INSR: variants seen among roughly 807,000 people sequenced by gnomAD.
The protein encoded by INSR is IR.
Under a neutral mutation model 142.6 loss-of-function variants are expected in INSR, and 67 were observed. The observed-to-expected ratio is 0.47, with a 90% CI of 0.39 to 0.58. INSR has a LOEUF of 0.58. Among genes scored for constraint, INSR ranks in the 20% least tolerant of loss-of-function variants. The pLI is 0.00. For missense variants in INSR, 1,248 were observed against 1,833.2 expected (o/e 0.68, Z 5.83); for synonymous variants, 756 against 743.1 (o/e 1.02, Z -0.28).
Position 7,166,224 on chromosome 19 carries a change from G to A in INSR, c.1791C>T (p.Val597=). ...TQYAIFVKTL[V]TFSDERRTYG... Reference sequence around the variant, plus strand: ...AGGTCCGGCGTTCATCCGAAAAGGTGACCAGGGTCTTCACAAAGATGGCAT... The same window carrying A: ...AGGTCCGGCGTTCATCCGAAAAGGTAACCAGGGTCTTCACAAAGATGGCAT... The change falls in exon 8 of 22, where the codon GTC becomes GTT. Residue 597 remains valine, a synonymous_variant. Coordinates refer to ENST00000302850, the MANE Select transcript of INSR (RefSeq NM_000208.4). The surrounding 1 kb of genome is among the most constrained non-coding windows in gnomAD (Gnocchi z 4.1). 1 of 1,614,076 alleles carries A rather than the reference G, an allele frequency of 6.2e-7. No homozygotes were observed. Among genetic ancestry groups the A allele is most frequent in the African/African-American group, 1.3e-5 (1 of 75,014 alleles).
At chr19:7,180,370 A>G in intron 3 of INSR, among the ~76,000 whole-genome samples, 1 of 151,840 alleles carries the variant, frequency 6.6e-6, no homozygotes, top group East Asian at 1.9e-4. Context: ...AACACTACAG[A>G]ATTTTTTTTT....
chr19:7,153,702 A>G (rs1398045695), intron 9 of INSR, among the ~76,000 whole-genome samples: 1 of 152,120 alleles, frequency 6.6e-6, no homozygotes, highest in Non-Finnish European at 1.5e-5. Flanking sequence ...TGGGTGACAG[A>G]GTAGAACCCT....
At chr19:7,276,903 G>A (rs1179850517) in intron 1 of INSR, among the ~76,000 whole-genome samples, 1 of 151,950 alleles carries the variant, frequency 6.6e-6, no homozygotes, top group African/African-American at 2.4e-5. Flanking sequence ...GCTAATTTTT[G>A]TATTTTTAGT....
intron 9 of INSR, among the ~76,000 whole-genome samples, chr19:7,161,373 C>T (rs1973745194): frequency 6.6e-6 from 1 of 151,932 alleles, no homozygotes; most frequent in Non-Finnish European, 1.5e-5. Flanking sequence ...GATCCTCCCG[C>T]CTGGGCCTCC....
At chr19:7,200,119 A>G (rs936189542) in intron 2 of INSR, among the ~76,000 whole-genome samples, 4 of 151,618 alleles carry the variant, frequency 2.6e-5, no homozygotes, top group African/African-American at 9.8e-5. Context: ...CAGGGAACCA[A>G]GGGGCTTGGA....
chr19:7,163,121 T>G lies in INSR; in HGVS notation c.1940A>C (p.Asp647Ala). Reference sequence around the variant, plus strand: ...GTAGTGGGTGATGTTGCCATTGGGGTCGGAGGGTGGTTTCCACTTCAGAAT... The same window carrying G: ...GTAGTGGGTGATGTTGCCATTGGGGGCGGAGGGTGGTTTCCACTTCAGAAT... ...QIILKWKPPS[D>A]PNGNITHYLV... The change falls in exon 9 of 22, where the codon GAC becomes GCC. Residue 647 changes from aspartate (D) to alanine (A), a missense_variant. This residue lies in a region of INSR where 1,069 missense variants were observed against 1,654.0 expected (regional missense o/e 0.65). Coordinates refer to ENST00000302850, the MANE Select transcript of INSR (RefSeq NM_000208.4). The G allele has an allele frequency of 6.2e-7, 1 of 1,613,934 alleles. No homozygotes were observed. The highest frequency in any genetic ancestry group is 8.5e-7 in the Non-Finnish European group (1 of 1,179,976).
rs377007438 is a variant in INSR at position 7,177,596 on chromosome 19, C to T, written c.975-2865G>A. Among the ~76,000 whole-genome samples, 67 of 151,720 alleles carry T rather than the reference C, an allele frequency of 4.4e-4. No homozygotes were observed. In the East Asian group the frequency reaches 7.0e-3, roughly 16 times the overall value. On this transcript the variant is annotated intron_variant, in intron 3 of 21. Transcript: ENST00000302850. ...AGGCTGGAGTACAATGGCACGATCT[C>T]GGCTCACTGCAAGCTCCGCCTCCCA...
At chr19:7,221,964 A>G (rs1212505793) in intron 2 of INSR, among the ~76,000 whole-genome samples, 1 of 151,922 alleles carries the variant, frequency 6.6e-6, no homozygotes, top group Non-Finnish European at 1.5e-5. Flanking sequence ...GCCACGATAT[A>G]TTGAGCACCA....
intron 2 of INSR, among the ~76,000 whole-genome samples, chr19:7,264,284 G>T (rs1977156369): frequency 6.6e-6 from 1 of 152,088 alleles, no homozygotes; most frequent in African/African-American, 2.4e-5. Flanking sequence ...AGTGAGCCGA[G>T]ATTGTGCCAC....
At position 7,128,920 on chromosome 19, in the gene INSR, G is replaced by A. The variant is rs750365992; in HGVS notation, c.2877C>T (p.Ile959=). ...AGAGAAAGACAAAGATGAGGGGGCCGATGATAATTTTTGCAATATTTGACG... is the reference window on the plus strand; with the variant it reads ...AGAGAAAGACAAAGATGAGGGGGCCAATGATAATTTTTGCAATATTTGACG... The part of the protein sequence containing the change: ...DVPSNIAKII[I]GPLIFVFLFS... The change falls in exon 15 of 22, where the codon ATC becomes ATT. Residue 959 remains isoleucine (I), a synonymous_variant. Transcript: ENST00000302850. 33 of 1,613,756 alleles carry A rather than the reference G, an allele frequency of 2.0e-5. No homozygotes were observed. The highest frequency in any genetic ancestry group is 4.5e-5 in the East Asian group (2 of 44,882).
intron 15 of INSR, among the ~76,000 whole-genome samples, chr19:7,126,889 G>GT (rs1972660129): frequency 6.7e-6 from 1 of 150,058 alleles, no homozygotes; most frequent in African/African-American, 2.5e-5. Context: ...TTTTTTTTTT[G>GT]TTTTGTTTTT....
chr19:7,271,625 T>G (rs1967928902), intron 1 of INSR, among the ~76,000 whole-genome samples: 1 of 152,160 alleles, frequency 6.6e-6, no homozygotes, highest in African/African-American at 2.4e-5. Context: ...CCATATGACC[T>G]GGCAATTCCA....
At chr19:7,141,945 C>T (rs770289333) in intron 12 of INSR, 129 bp from the exon 13 acceptor site, 12 of 751,396 alleles carry the variant, frequency 1.6e-5, no homozygotes, top group East Asian at 2.7e-5. Context: ...CGTCAGAGAA[C>T]GGACATCTAA....
At chr19:7,252,843 C>T (rs950819125) in intron 2 of INSR, among the ~76,000 whole-genome samples, 25 of 152,188 alleles carry the variant, frequency 1.6e-4, no homozygotes, top group Admixed American at 5.2e-4. Flanking sequence ...CAGCCAGGCG[C>T]GGTGGCTCAC....
intron 2 of INSR, among the ~76,000 whole-genome samples, chr19:7,190,236 C>T (rs1385291229): frequency 6.6e-6 from 1 of 151,952 alleles, no homozygotes; most frequent in Non-Finnish European, 1.5e-5. Context: ...GTTTTATTGT[C>T]CTATGGGACA....
At chr19:7,219,277 T>C (rs930560264) in intron 2 of INSR, among the ~76,000 whole-genome samples, 1 of 152,068 alleles carries the variant, frequency 6.6e-6, no homozygotes, top group Non-Finnish European at 1.5e-5. Context: ...ACCTCCACAC[T>C]GGCCTCTGAA....
intron 1 of INSR, among the ~76,000 whole-genome samples, chr19:7,275,521 G>A (rs191016716): frequency 3.6e-4 from 54 of 151,912 alleles, no homozygotes; most frequent in African/African-American, 1.2e-3. Context: ...GGTGGCTCAC[G>A]CCTGTAATCC....
At chr19:7,147,915 A>C (rs1012537070) in intron 11 of INSR, among the ~76,000 whole-genome samples, 3 of 147,282 alleles carry the variant, frequency 2.0e-5, no homozygotes, top group African/African-American at 8.0e-5. Context: ...ACAAAGCATC[A>C]ACTGATTTTT....
chr19:7,156,168 C>T (rs1417712136), intron 9 of INSR, among the ~76,000 whole-genome samples: 1 of 142,552 alleles, frequency 7.0e-6, no homozygotes, highest in African/African-American at 2.6e-5. Context: ...TCAAGTGAGT[C>T]TCCTGCCTCA....
Sources: gnomAD v4.1 joint callset for allele counts (sites outside exome capture counted in the v4.1 genomes callset) on GRCh38, gnomAD v4.1.1 for gene constraint, gnomAD v4.1.1 regional missense constraint, Gnocchi (gnomAD v3.1) non-coding constraint, MANE v1.5 for transcripts, NCBI Gene and HGNC (gene_info 2026-07-23, HGNC 2026-07-21) for gene names.